Variants in MS4A4A observed in about 807,000 individuals in gnomAD.
MS4A4A encodes the protein membrane spanning 4-domains A4A.
MS4A4A carries 26 observed loss-of-function variants against 28.0 expected under a neutral mutation model. The ratio of observed to expected loss-of-function variants is 0.93; its 90% CI spans 0.68 to 1.29. The LOEUF (loss-of-function observed/expected upper bound fraction) is 1.29, where lower values mean the gene tolerates loss of function less well. Among genes scored for constraint, MS4A4A ranks in the 50% most tolerant of loss-of-function variants. The pLI, the probability that MS4A4A is intolerant of heterozygous loss-of-function variation, is 0.00. For missense variants in MS4A4A, 290 were observed against 293.1 expected, an observed-to-expected ratio of 0.99 and a Z score of 0.08; for synonymous variants, 86 against 100.8, an observed-to-expected ratio of 0.85 and a Z score of 0.88.
Position 60,280,722 on chromosome 11 carries a change from T to G in MS4A4A, c.41+6T>G. ...CATTGCAGGCCTGAAGAAAGGTAGG[T>G]CCAGGGACTTGCCTTCCTAGGCTTT... On this transcript the variant is annotated splice_donor_region_variant and intron_variant, in intron 1 of 6. Transcript: ENST00000337908. 1 of 1,613,512 alleles carries G rather than the reference T, an allele frequency of 6.2e-7. No individual in the cohort carries two copies.
At chr11:60,296,519 T>C (rs2084906857) in intron 2 of MS4A4A, among the ~76,000 whole-genome samples, 1 of 152,118 alleles carries the variant, frequency 6.6e-6, no homozygotes, top group African/African-American at 2.4e-5. Context: ...ATTTGGAGTT[T>C]AATTTGCACT....
At chr11:60,290,213 T>A (rs890343165) in intron 1 of MS4A4A, 77 of 321,870 alleles carry the variant, frequency 2.4e-4, no homozygotes, top group Admixed American at 2.2e-4. Context: ...AGTTATCAAC[T>A]GATGTATTTA....
chr11:60,289,022 G>GGA (rs2084826838), intron 1 of MS4A4A, among the ~76,000 whole-genome samples: 1 of 152,192 alleles, frequency 6.6e-6, no homozygotes, highest in African/African-American at 2.4e-5. Flanking sequence ...GGCCTCAGCA[G>GGA]GTAGAGAGTA....
intron 2 of MS4A4A, among the ~76,000 whole-genome samples, chr11:60,295,527 T>C (rs1028670775): frequency 1.3e-5 from 2 of 152,142 alleles, no homozygotes; most frequent in Non-Finnish European, 2.9e-5. Context: ...CAGTACAATG[T>C]TGAAAGGAGT....
intron 6 of MS4A4A, 98 bp from the exon 7 acceptor site, chr11:60,308,009 A>G: frequency 9.4e-7 from 1 of 1,059,156 alleles, no homozygotes; most frequent in Non-Finnish European, 1.4e-6. Flanking sequence ...CAGAGAAGAA[A>G]AGAGTAAACT....
At chr11:60,286,482 T>A (rs1309734232) in intron 1 of MS4A4A, among the ~76,000 whole-genome samples, 1 of 152,226 alleles carries the variant, frequency 6.6e-6, no homozygotes, top group Non-Finnish European at 1.5e-5. Context: ...TTTGGGGAAC[T>A]AATGAATGTC....
intron 4 of MS4A4A, 109 bp downstream of exon 4, chr11:60,301,166 AGC>A (rs1184766270): frequency 1.1e-6 from 1 of 903,062 alleles, no homozygotes; most frequent in African/African-American, 1.7e-5. Flanking sequence ...AAAAATCAGG[AGC>A]GATTGTGCAT....
At chr11:60,307,193 G>A (rs1384746675) in intron 6 of MS4A4A, among the ~76,000 whole-genome samples, 1 of 152,198 alleles carries the variant, frequency 6.6e-6, no homozygotes, top group Non-Finnish European at 1.5e-5. Flanking sequence ...AGTTTGATGA[G>A]ACGGTTCTTC....
At chr11:60,282,046 G>A (rs545748184) in intron 1 of MS4A4A, among the ~76,000 whole-genome samples, 12 of 152,268 alleles carry the variant, frequency 7.9e-5, no homozygotes, top group Non-Finnish European at 1.3e-4. Flanking sequence ...AAAAGAGGAG[G>A]CAGTTATATG....
At chr11:60,307,537 G>T (rs2085014809) in intron 6 of MS4A4A, among the ~76,000 whole-genome samples, 1 of 152,174 alleles carries the variant, frequency 6.6e-6, no homozygotes, top group Non-Finnish European at 1.5e-5. Context: ...TAGCATAGGT[G>T]CTGGGGAATG....
chr11:60,303,963 T>C lies in MS4A4A; in HGVS notation c.546+1246T>C, dbSNP rs2084976154. Among the ~76,000 whole-genome samples the C allele has an allele frequency of 2.0e-5, 3 of 152,286 alleles. No individual in the cohort carries two copies. In the South Asian group the frequency reaches 6.2e-4, roughly 32 times the overall value. Reference sequence around the variant, plus strand: ...ATCACACCAAAATAACCCCTTGAGGTGTCTTTGCTAAACTAATTTACTTCC... The same window carrying C: ...ATCACACCAAAATAACCCCTTGAGGCGTCTTTGCTAAACTAATTTACTTCC... On this transcript the variant is annotated intron_variant, in intron 5 of 6. Coordinates refer to ENST00000337908, the MANE Select transcript of MS4A4A (RefSeq NM_148975.3).
chr11:60,280,754 G>A (rs1308893935), intron 1 of MS4A4A, 38 bp downstream of exon 1: 1 of 1,611,584 alleles, frequency 6.2e-7, no homozygotes, highest in Non-Finnish European at 8.5e-7. Flanking sequence ...CTTTCGGGCT[G>A]ATGGCTTGTT....
chr11:60,285,618 G>A (rs7116516), intron 1 of MS4A4A, among the ~76,000 whole-genome samples: 19,458 of 152,118 alleles, frequency 0.13, 1,395 homozygotes, highest in South Asian at 0.17. Context: ...TAGGCCTCCG[G>A]GGGTGACATC....
At chr11:60,294,197 C>T (rs1445071748) in intron 2 of MS4A4A, among the ~76,000 whole-genome samples, 1 of 152,156 alleles carries the variant, frequency 6.6e-6, no homozygotes, top group African/African-American at 2.4e-5. Flanking sequence ...TTTGCATTTC[C>T]CTTGTGACAT....
At chr11:60,283,839 T>C (rs906133462) in intron 1 of MS4A4A, among the ~76,000 whole-genome samples, 10 of 152,244 alleles carry the variant, frequency 6.6e-5, no homozygotes, top group African/African-American at 2.4e-4. Flanking sequence ...CTAAAGTGTA[T>C]ATATAGGTCT....
At chr11:60,298,816 A>G (rs1370751357) in intron 3 of MS4A4A, among the ~76,000 whole-genome samples, 3 of 152,232 alleles carry the variant, frequency 2.0e-5, no homozygotes, top group Non-Finnish European at 2.9e-5. Flanking sequence ...TAGGTGTTCC[A>G]TTAGATGAGC....
intron 4 of MS4A4A, 100 bp from the exon 5 acceptor site, chr11:60,302,459 A>T: frequency 8.6e-7 from 1 of 1,164,258 alleles, no homozygotes; most frequent in Non-Finnish European, 1.2e-6. Flanking sequence ...CAAGATAATG[A>T]TAGATGGCAG....
chr11:60,307,952 C>A (rs2085019315), intron 6 of MS4A4A, among the ~76,000 whole-genome samples, 155 bp from the exon 7 acceptor site: 1 of 152,088 alleles, frequency 6.6e-6, no homozygotes, highest in African/African-American at 2.4e-5. Flanking sequence ...CAGGCCTGAT[C>A]AAGAGAGTGA....
chr11:60,292,165 G>T (rs754826747), intron 1 of MS4A4A, 60 bp from the exon 2 acceptor site: 26 of 1,471,628 alleles, frequency 1.8e-5, no homozygotes, highest in Non-Finnish European at 2.3e-5. Context: ...CTGCCCCAAA[G>T]TGTCATGTCC....
Sources: gnomAD v4.1 joint callset for allele counts (sites outside exome capture counted in the v4.1 genomes callset) on GRCh38, gnomAD v4.1.1 for gene constraint, MANE v1.5 for transcripts, NCBI Gene and HGNC (gene_info 2026-07-23, HGNC 2026-07-21) for gene names.